The following OR56A3 variants were observed in gnomAD, a reference collection of about 807,000 sequenced individuals.
OR56A3 encodes the protein olfactory receptor 56A3.
In OR56A3, 23 loss-of-function variants were observed where a neutral mutation model predicts 17.5. The ratio of observed to expected loss-of-function variants is 1.32; its 90% confidence interval spans 0.95 to 1.87. The LOEUF (loss-of-function observed/expected upper bound fraction) is 1.87. Among genes scored for constraint, OR56A3 ranks in the 40% most tolerant of loss-of-function variants. The pLI, the probability that OR56A3 is intolerant of heterozygous loss-of-function variation, is 0.00. For synonymous variants in OR56A3, 175 were observed against 150.6 expected (o/e 1.16, Z -1.19); for missense variants, 366 against 380.1 (o/e 0.96, Z 0.31).
At chr11:5,994,640 C>A in the OR56A3 span, 1 of 777,918 alleles carries the variant, frequency 1.3e-6, no homozygotes. Flanking sequence ...CACAGACTGG[C>A]ACATGGCCAG....
At chr11:5,989,417 T>TAAAC in the OR56A3 span, among the ~76,000 whole-genome samples, 1 of 8,854 alleles carries the variant, frequency 1.1e-4, no homozygotes. Context: ...AGTAGAGAAG[T>TAAAC]AAATAAAGTA....
chr11:5,992,566 G>T, the OR56A3 span, among the ~76,000 whole-genome samples: 1 of 152,136 alleles, frequency 6.6e-6, no homozygotes, highest in African/African-American at 2.4e-5. Flanking sequence ...AAAGACAAAT[G>T]CTGCCTGCCT....
At chr11:5,961,583 C>G in the OR56A3 span, among the ~76,000 whole-genome samples, 1 of 152,024 alleles carries the variant, frequency 6.6e-6, no homozygotes, top group Non-Finnish European at 1.5e-5. Context: ...ACTCCCTAAT[C>G]TCAACTACCC....
the OR56A3 span, chr11:5,994,280 T>C: frequency 1.6e-6 from 1 of 614,646 alleles, no homozygotes; most frequent in African/African-American, 1.8e-5. Flanking sequence ...CTCAGCTCCA[T>C]GAGTGTCATC....
chr11:5,960,911 C>A, the OR56A3 span, among the ~76,000 whole-genome samples: 2 of 151,574 alleles, frequency 1.3e-5, no homozygotes, highest in Non-Finnish European at 2.9e-5. Flanking sequence ...TCTGCCCGGC[C>A]GTGACCCTGT....
the OR56A3 span, among the ~76,000 whole-genome samples, chr11:6,015,764 T>A: frequency 6.6e-6 from 1 of 152,220 alleles, no homozygotes; most frequent in South Asian, 2.1e-4. Flanking sequence ...GCCAATTTCC[T>A]ACTGCCTGTA....
At chr11:5,995,105 C>G in the OR56A3 span, 1 of 590,396 alleles carries the variant, frequency 1.7e-6, no homozygotes. Context: ...GGCGGCTGGA[C>G]GCAGCCCAGG....
At chr11:5,993,889 T>C in the OR56A3 span, 1 of 515,980 alleles carries the variant, frequency 1.9e-6, no homozygotes, top group South Asian at 1.6e-5. Context: ...GTCTCAGAAC[T>C]TTGGTGTCAT....
At chr11:5,968,620 T>G in the OR56A3 span, 3 of 709,920 alleles carry the variant, frequency 4.2e-6, no homozygotes, top group Non-Finnish European at 6.9e-6. Context: ...ATGTATGAGA[T>G]ACAGATGACC....
the OR56A3 span, chr11:5,967,600 T>G: frequency 1.1e-5 from 18 of 1,613,400 alleles, no homozygotes; most frequent in East Asian, 4.0e-4. Context: ...ATCTCCTTGG[T>G]TCTCACACCA....
the OR56A3 span, among the ~76,000 whole-genome samples, chr11:5,991,830 G>A: frequency 6.6e-6 from 1 of 152,122 alleles, no homozygotes; most frequent in African/African-American, 2.4e-5. Context: ...AGCACCACTG[G>A]GCAAGCAGGA....
the OR56A3 span, chr11:6,021,534 TTAAA>T: frequency 2.0e-5 from 3 of 152,062 alleles, no homozygotes; most frequent in Non-Finnish European, 4.4e-5. Flanking sequence ...AAATGAATAA[TTAAA>T]TAAAAAATTA....
the OR56A3 span, chr11:6,002,197 G>A: frequency 4.1e-5 from 66 of 1,614,086 alleles, no homozygotes; most frequent in South Asian, 7.0e-4. Flanking sequence ...TTCCTGGCCA[G>A]GTTAGTGATG....
At chr11:6,018,691 A>T in the OR56A3 span, among the ~76,000 whole-genome samples, 1 of 151,996 alleles carries the variant, frequency 6.6e-6, no homozygotes, top group African/African-American at 2.4e-5. Flanking sequence ...AACAATAAAA[A>T]TCAGAATAGA....
chr11:5,973,143 T>G, the OR56A3 span, among the ~76,000 whole-genome samples: 2 of 152,224 alleles, frequency 1.3e-5, no homozygotes, highest in South Asian at 4.1e-4. Flanking sequence ...ATTTACTCTA[T>G]GTAATCTCGG....
the OR56A3 span, chr11:6,002,960 TG>T: frequency 1.9e-6 from 3 of 1,613,976 alleles, no homozygotes; most frequent in Non-Finnish European, 2.5e-6. Context: ...ATTCAGAGAC[TG>T]GGGCAGTGGA....
At chr11:5,959,827 T>G in the OR56A3 span, among the ~76,000 whole-genome samples, 1 of 152,210 alleles carries the variant, frequency 6.6e-6, no homozygotes, top group South Asian at 2.1e-4. Flanking sequence ...TTTAGTTTAT[T>G]TTGAGCTGAA....
the OR56A3 span, chr11:6,002,132 G>T: frequency 6.2e-7 from 1 of 1,614,100 alleles, no homozygotes; most frequent in Middle Eastern, 1.6e-4. Flanking sequence ...TCAGAGCTGG[G>T]GGAATGAGGT....
chr11:5,971,838 T>C, the OR56A3 span, among the ~76,000 whole-genome samples: 1 of 152,142 alleles, frequency 6.6e-6, no homozygotes, highest in African/African-American at 2.4e-5. Flanking sequence ...GAAACTGTAC[T>C]ACACAGAAAA....
Sources: gnomAD v4.1 joint callset for allele counts (sites outside exome capture counted in the v4.1 genomes callset) on GRCh38, gnomAD v4.1.1 for gene constraint, MANE v1.5 for transcripts, NCBI Gene and HGNC (gene_info 2026-07-23, HGNC 2026-07-21) for gene names.